NR1H3: variants seen among roughly 807,000 people sequenced by gnomAD.
The protein encoded by NR1H3 is oxysterols receptor LXR-alpha.
A neutral mutation model predicts 48.1 loss-of-function variants in NR1H3; 19 were observed. The ratio of observed to expected loss-of-function variants is 0.40; its 90% CI spans 0.28 to 0.58. The LOEUF (loss-of-function observed/expected upper bound fraction) is 0.58. NR1H3 is among the 20% of genes least tolerant of loss of function. The pLI, the probability that NR1H3 is intolerant of heterozygous loss-of-function variation, is 0.50. For synonymous variants in NR1H3, 232 were observed against 227.3 expected, an observed-to-expected ratio of 1.02 and a Z score of -0.19; for missense variants, 486 against 595.9, an observed-to-expected ratio of 0.82 and a Z score of 1.92.
At chr11:47,262,126 TC>T in intron 7 of NR1H3, 108 bp downstream of exon 7, 1 of 769,220 alleles carries the variant, frequency 1.3e-6, no homozygotes, top group Non-Finnish European at 2.1e-6. Flanking sequence ...ATGCCTGTAA[TC>T]CCAGCACTTT....
chr11:47,265,102 T>G lies in NR1H3; in HGVS notation c.989-2811T>G, dbSNP rs558631806. 6.6e-5 allele frequency among the ~76,000 whole-genome samples: 10 copies of G among 152,230 alleles called. No homozygotes were observed. In the East Asian group the frequency reaches 1.9e-3, roughly 29 times the overall value. On this transcript the variant is annotated intron_variant, in intron 7 of 9. Coordinates refer to ENST00000441012, the MANE Select transcript of NR1H3 (RefSeq NM_005693.4). ...TGAGGTCAGGAGTTCGAGACCAGCC[T>G]GGCCCATATGGCAAAACCCCATCTC...
chr11:47,265,471 C>T (rs752052227), intron 7 of NR1H3, among the ~76,000 whole-genome samples: 1 of 152,158 alleles, frequency 6.6e-6, no homozygotes, highest in South Asian at 2.1e-4. Context: ...CTGTAGGGTG[C>T]AGAGACTTTG....
rs1349811988 is a variant in NR1H3, at chr11:47,249,131, G to A, written c.-93+132G>A. 4 of 858,226 alleles carry A rather than the reference G, an allele frequency of 4.7e-6. No homozygotes were observed. In the African/African-American group the frequency reaches 6.8e-5, roughly 15 times the overall value. The allele number at this position is 858,226 out of a possible 1,614,324, so 53.2% of individuals were successfully genotyped here. ...ACTTGCAGTGGGCGGGACCATGTCTGGAGAACCAGCGTCCCCTCCAGGCTT... is the reference window on the plus strand; with the variant it reads ...ACTTGCAGTGGGCGGGACCATGTCTAGAGAACCAGCGTCCCCTCCAGGCTT... On this transcript the variant is annotated intron_variant, in intron 1 of 8. Coordinates refer to the NR1H3 transcript ENST00000395397.
Position 47,261,221 on chromosome 11 carries a change from A to G in NR1H3, c.500-20A>G, listed in dbSNP as rs779754849. 16 of 1,400,994 alleles carry G rather than the reference A, an allele frequency of 1.1e-5. No individual in the cohort carries two copies. The highest frequency in any genetic ancestry group is 9.5e-5 in the South Asian group (8 of 84,500). The allele number at this position is 1,400,994 out of a possible 1,614,324, so 86.8% of individuals were successfully genotyped here. On this transcript the variant is annotated intron_variant, in intron 4 of 9. Coordinates refer to ENST00000441012, the MANE Select transcript of NR1H3 (RefSeq NM_005693.4). ...CCTTTCCCCATCTGCTCCCTTCCTC[A>G]TATTTGGCCCTGTCCTTAGGTGTCC...
At chr11:47,250,886 G>A (rs1442996948) in intron 1 of NR1H3, among the ~76,000 whole-genome samples, 1 of 152,368 alleles carries the variant, frequency 6.6e-6, no homozygotes, top group East Asian at 1.9e-4. Context: ...TTTTGGCCGG[G>A]TGCGTGCTCA....
chr11:47,249,024 A>G (rs1413641567), intron 1 of NR1H3: 2 of 1,467,982 alleles, frequency 1.4e-6, no homozygotes, highest in Non-Finnish European at 1.8e-6. Context: ...CGCGGCAGAC[A>G]GGGCTCGAAG....
intron 4 of NR1H3, 108 bp downstream of exon 4, chr11:47,260,783 T>G: frequency 1.5e-6 from 2 of 1,349,610 alleles, no homozygotes; most frequent in Non-Finnish European, 2.0e-6. Flanking sequence ...TCCCTAAGTA[T>G]GGATCCCAGT....
At chr11:47,255,621 CTTTCTTTCTT>C (rs779482186), upstream of NR1H3, among the ~76,000 whole-genome samples, 62 of 105,558 alleles carry the variant, frequency 5.9e-4, no homozygotes, top group African/African-American at 2.4e-3. Flanking sequence ...CTCTCTCTTT[CTTTCTTTCTT>C]TCTTTCTTTC....
chr11:47,268,161 A>C, intron 8 of NR1H3, 100 bp from the exon 9 acceptor site: 1 of 1,266,234 alleles, frequency 7.9e-7, no homozygotes, highest in Admixed American at 1.9e-5. Flanking sequence ...TTAGGATGAG[A>C]GAGCTTGGCT....
In NR1H3 at chr11:47,268,258, T is replaced by C. The variant is rs773119812; in HGVS notation, c.1103-3T>C. ...GCTCCTCAACTCTCTTGGTGACCTA[T>C]AGACCGGCCCAACGTGCAGGACCAG... On this transcript the variant is annotated splice_region_variant and splice_polypyrimidine_tract_variant and intron_variant, in intron 8 of 9. Transcript: ENST00000441012. 6.8e-6 allele frequency: 11 copies of C among 1,613,780 alleles called. No homozygotes were observed. In the African/African-American group the frequency reaches 9.3e-5, roughly 14 times the overall value.
chr11:47,255,613 C>G (rs1235207042), upstream of NR1H3, among the ~76,000 whole-genome samples: 1 of 111,556 alleles, frequency 9.0e-6, no homozygotes, highest in African/African-American at 3.9e-5. Flanking sequence ...CTCTCTCTCT[C>G]TCTCTTTCTT....
upstream of NR1H3, among the ~76,000 whole-genome samples, chr11:47,256,824 G>C (rs540657807): frequency 6.7e-6 from 1 of 149,884 alleles, no homozygotes; most frequent in African/African-American, 2.5e-5. Flanking sequence ...TCTGCCTCCC[G>C]GGTTCACGCC....
intron 9 of NR1H3, 77 bp downstream of exon 9, chr11:47,268,432 A>G (rs1182497745): frequency 6.3e-7 from 1 of 1,591,366 alleles, no homozygotes; most frequent in Non-Finnish European, 8.6e-7. Flanking sequence ...TTTCCCTTCA[A>G]GAATTTCTCT....
rs913716877 is a variant in NR1H3 at position 47,268,441 on chromosome 11, C to G, written c.1197+86C>G. 2.5e-6 allele frequency: 4 copies of G among 1,588,390 alleles called. No individual in the cohort carries two copies. The African/African-American group carries it at 5.4e-5, about 21-fold the overall frequency. On this transcript the variant is annotated intron_variant, in intron 9 of 9. Coordinates refer to ENST00000441012, the MANE Select transcript of NR1H3 (RefSeq NM_005693.4). Reference sequence around the variant, plus strand: ...ACCTACTTTCCCTTCAAGAATTTCTCTCTGACTGCATGCTGTGCAGACAAT... The same window carrying G: ...ACCTACTTTCCCTTCAAGAATTTCTGTCTGACTGCATGCTGTGCAGACAAT...
chr11:47,266,991 A>T (rs1360515841), intron 7 of NR1H3, among the ~76,000 whole-genome samples: 1 of 152,074 alleles, frequency 6.6e-6, no homozygotes, highest in Admixed American at 6.6e-5. Flanking sequence ...ATTTCTAGAA[A>T]TGTGGAGCCC....
chr11:47,250,869 A>C (rs1954598332), intron 1 of NR1H3, among the ~76,000 whole-genome samples: 1 of 152,228 alleles, frequency 6.6e-6, no homozygotes, highest in African/African-American at 2.4e-5. Flanking sequence ...ATGGATTAAA[A>C]GTCAAGTTTT....
intron 1 of NR1H3, chr11:47,249,089 T>C (rs1954378513): frequency 1.6e-6 from 2 of 1,281,318 alleles, no homozygotes; most frequent in Admixed American, 2.8e-5. Context: ...CTCGGAGAAA[T>C]CCCTTACCAA....
chr11:47,251,276 T>G (rs1258008500), intron 1 of NR1H3, among the ~76,000 whole-genome samples: 1 of 152,176 alleles, frequency 6.6e-6, no homozygotes, highest in East Asian at 1.9e-4. Flanking sequence ...ATCCTTTCAA[T>G]AAAGAGGTAT....
chr11:47,249,303 G>A (rs746856210), intron 1 of NR1H3, among the ~76,000 whole-genome samples: 62 of 152,266 alleles, frequency 4.1e-4, no homozygotes, highest in Non-Finnish European at 7.5e-4. Context: ...GACACAGTAT[G>A]TAAACAACCC....
Sources: allele counts gnomAD v4.1 joint callset (sites outside exome capture counted in the v4.1 genomes callset), GRCh38; gene constraint gnomAD v4.1.1; transcripts MANE v1.5; gene names NCBI Gene and HGNC (gene_info 2026-07-23, HGNC 2026-07-21).